Variants in SLC35F4 observed in about 807,000 individuals in gnomAD.
SLC35F4 encodes solute carrier family 35 member F4.
A neutral mutation model predicts 44.2 loss-of-function variants in SLC35F4; 24 were observed. The ratio of observed to expected loss-of-function variants is 0.54; its 90% confidence interval spans 0.39 to 0.76. The LOEUF is 0.76. SLC35F4 is among the 30% of genes least tolerant of loss of function. The probability of loss-of-function intolerance (pLI) is 0.00; values close to 1 mark genes in which losing one functional copy is unlikely to be tolerated. For synonymous variants in SLC35F4, 238 were observed against 223.6 expected, an observed-to-expected ratio of 1.06 and a Z score of -0.57; for missense variants, 562 against 586.1, an observed-to-expected ratio of 0.96 and a Z score of 0.42.
At chr14:57,836,163 A>G (rs1462455844) in intron 1 of SLC35F4, among the ~76,000 whole-genome samples, 1 of 152,226 alleles carries the variant, frequency 6.6e-6, no homozygotes, top group African/African-American at 2.4e-5. Flanking sequence ...AGACTTCAGT[A>G]GTTTAACTAA....
chr14:57,918,408 G>A (rs1295701262), intron 1 of SLC35F4, among the ~76,000 whole-genome samples: 1 of 152,136 alleles, frequency 6.6e-6, no homozygotes, highest in African/African-American at 2.4e-5. Context: ...TCCAATTTGG[G>A]AGGCGGTGGT....
chr14:57,588,481 C>T (rs2069939519), intron 3 of SLC35F4, among the ~76,000 whole-genome samples: 1 of 152,168 alleles, frequency 6.6e-6, no homozygotes, highest in Non-Finnish European at 1.5e-5. Flanking sequence ...CTTTTGCCTC[C>T]CTTGAGTGCC....
At position 57,668,743 on chromosome 14, in the gene SLC35F4, T is replaced by C. The variant is rs556053136; in HGVS notation, c.104-74619A>G. Among the ~76,000 whole-genome samples the C allele has an allele frequency of 5.2e-4, 79 of 152,238 alleles. 3 individuals carry two copies. In the South Asian group the frequency reaches 0.016, roughly 30 times the overall value. ...GTTTGGTTACTGTAGCCTTGTAATATAGTTTGAAGTCAGGTAGCATGATGC... is the reference window on the plus strand; with the variant it reads ...GTTTGGTTACTGTAGCCTTGTAATACAGTTTGAAGTCAGGTAGCATGATGC... On this transcript the variant is annotated intron_variant, in intron 1 of 7. Coordinates refer to ENST00000556826, the MANE Select transcript of SLC35F4 (RefSeq NM_001306087.2).
chr14:57,681,976 A>G lies in SLC35F4; in HGVS notation c.104-87852T>C, dbSNP rs139864871. On this transcript the variant is annotated intron_variant, in intron 1 of 7. Coordinates refer to ENST00000556826, the MANE Select transcript of SLC35F4 (RefSeq NM_001306087.2). ...TCTCACGCCAGTTAGAATGGCAATC[A>G]CTAAAAAGTTAGGAAACAACAGATG... Among the ~76,000 whole-genome samples the G allele has an allele frequency of 4.3e-3, 659 of 152,348 alleles. 1 individual carries two copies. Among genetic ancestry groups the G allele is most frequent in the Middle Eastern group, 0.017 (5 of 294 alleles).
chr14:57,581,148 G>C, intron 4 of SLC35F4, 66 bp downstream of exon 4: 1 of 1,414,622 alleles, frequency 7.1e-7, no homozygotes, highest in South Asian at 1.7e-5. Flanking sequence ...AAGCAGACAG[G>C]CTCTCCTGAA....
chr14:57,966,357 A>G (rs1890437028), intron 1 of SLC35F4, among the ~76,000 whole-genome samples: 1 of 152,266 alleles, frequency 6.6e-6, no homozygotes. Flanking sequence ...ATTCTGTAAT[A>G]TATCTTAAAT....
At chr14:57,919,118 A>G (rs918497107) in intron 1 of SLC35F4, among the ~76,000 whole-genome samples, 1 of 152,210 alleles carries the variant, frequency 6.6e-6, no homozygotes, top group Non-Finnish European at 1.5e-5. Context: ...CAGAAGACAG[A>G]GGAACCATGA....
At position 57,612,290 on chromosome 14, in the gene SLC35F4, G is replaced by T. The variant is rs146633605; in HGVS notation, c.104-18166C>A. Among the ~76,000 whole-genome samples the T allele has an allele frequency of 1.6e-3, 240 of 152,232 alleles. 1 individual carries two copies. The highest frequency in any genetic ancestry group is 5.3e-3 in the African/African-American group (220 of 41,562). On this transcript the variant is annotated intron_variant, in intron 1 of 7. Coordinates refer to ENST00000556826, the MANE Select transcript of SLC35F4 (RefSeq NM_001306087.2). ...TGGGGAAGGAGCTGGCATTAGTGGG[G>T]CAGTCAGAGAGGAGGGAGCTGTAAC...
chr14:57,589,963 C>T (rs892563914), intron 2 of SLC35F4, among the ~76,000 whole-genome samples: 10 of 152,142 alleles, frequency 6.6e-5, no homozygotes, highest in African/African-American at 2.4e-4. Context: ...CAAAGTAGAA[C>T]GCCAAATAGA....
chr14:57,752,047 A>G (rs960663889), intron 1 of SLC35F4, among the ~76,000 whole-genome samples: 2 of 152,000 alleles, frequency 1.3e-5, no homozygotes, highest in African/African-American at 4.8e-5. Flanking sequence ...TTCCTTTTCC[A>G]GGCTCCCAGG....
intron 1 of SLC35F4, among the ~76,000 whole-genome samples, chr14:57,873,433 A>G (rs531524881): frequency 6.6e-6 from 1 of 152,346 alleles, no homozygotes; most frequent in South Asian, 2.1e-4. Flanking sequence ...AAATAGGAAA[A>G]TGGTTTAGTA....
intron 1 of SLC35F4, among the ~76,000 whole-genome samples, chr14:57,612,912 A>G (rs1222188013): frequency 6.6e-6 from 1 of 152,248 alleles, no homozygotes; most frequent in Admixed American, 6.5e-5. Context: ...GAAATTGGGT[A>G]ATTAGCAGGA....
intron 1 of SLC35F4, among the ~76,000 whole-genome samples, chr14:57,616,970 C>A (rs1253243430): frequency 6.6e-6 from 1 of 151,954 alleles, no homozygotes; most frequent in Non-Finnish European, 1.5e-5. Flanking sequence ...CTGCATTATA[C>A]ATTATGAAAA....
intron 1 of SLC35F4, among the ~76,000 whole-genome samples, chr14:57,600,459 A>G (rs11847126): frequency 0.71 from 104,560 of 148,236 alleles, 37,459 homozygotes; most frequent in Middle Eastern, 0.79. Flanking sequence ...TTGGGAGGCC[A>G]AGGTGGGCGG....
rs961599127 is a variant in SLC35F4, at chr14:57,627,718, C to T, written c.104-33594G>A. On this transcript the variant is annotated intron_variant, in intron 1 of 7. Transcript: ENST00000556826. Reference sequence around the variant, plus strand: ...TTGCAGTAAAATTCTAACTTGTTCCCGCATTAAGTAAAAATGTTATCAATT... The same window carrying T: ...TTGCAGTAAAATTCTAACTTGTTCCTGCATTAAGTAAAAATGTTATCAATT... Among the ~76,000 whole-genome samples the T allele has an allele frequency of 5.9e-5, 9 of 151,878 alleles. 1 individual carries two copies. The South Asian group carries it at 1.2e-3, about 21-fold the overall frequency.
chr14:57,879,201 G>A (rs1386849342), intron 1 of SLC35F4, among the ~76,000 whole-genome samples: 1 of 152,078 alleles, frequency 6.6e-6, no homozygotes, highest in Non-Finnish European at 1.5e-5. Context: ...AAGGTACTTG[G>A]CATTGCACTT....
chr14:57,814,886 A>AGCACTCCT (rs1222034126), intron 1 of SLC35F4, among the ~76,000 whole-genome samples: 1 of 152,210 alleles, frequency 6.6e-6, no homozygotes, highest in African/African-American at 2.4e-5. Flanking sequence ...CTGTTTTAAA[A>AGCACTCCT]AATAAACGTC....
intron 1 of SLC35F4, among the ~76,000 whole-genome samples, chr14:57,901,730 C>T (rs138538074): frequency 1.2e-4 from 18 of 152,140 alleles, no homozygotes; most frequent in Admixed American, 3.3e-4. Context: ...ATAATATTTG[C>T]GAATATATGT....
chr14:57,713,614 A>G (rs1001056841), intron 1 of SLC35F4, among the ~76,000 whole-genome samples: 6 of 152,164 alleles, frequency 3.9e-5, no homozygotes, highest in African/African-American at 1.4e-4. Flanking sequence ...CATTTACTAC[A>G]CTGTACAATA....
Sources: gnomAD v4.1 joint callset for allele counts (sites outside exome capture counted in the v4.1 genomes callset) on GRCh38, gnomAD v4.1.1 for gene constraint, MANE v1.5 for transcripts, NCBI Gene and HGNC (gene_info 2026-07-23, HGNC 2026-07-21) for gene names.